The following PCDHGA1 variants were observed in gnomAD, a reference collection of about 807,000 sequenced individuals.
PCDHGA1 encodes the protein protocadherin gamma subfamily A, 1, also known as protocadherin gamma-A1.
PCDHGA1 carries 32 observed loss-of-function variants against 58.0 expected under a neutral mutation model. The ratio of observed to expected loss-of-function variants is 0.55; its 90% CI spans 0.42 to 0.74. The LOEUF (loss-of-function observed/expected upper bound fraction) is 0.74, where lower values mean the gene tolerates loss of function less well. PCDHGA1 is among the 30% of genes least tolerant of loss of function. The pLI, the probability that PCDHGA1 is intolerant of heterozygous loss-of-function variation, is 0.00. For missense variants in PCDHGA1, 1,205 were observed against 1,182.3 expected (o/e 1.02, Z -0.28); for synonymous variants, 498 against 501.1 (o/e 0.99, Z 0.08).
In PCDHGA1 at chr5:141,370,660, G is replaced by A. The variant is rs199537402; in HGVS notation, c.2421+37555G>A. 3.1e-6 allele frequency: 5 copies of A among 1,613,752 alleles called. No individual in the cohort carries two copies. The Admixed American group carries it at 5.0e-5, about 16-fold the overall frequency. ...AATGGGAACTTACTTGTGAGCGACC[G>A]TATAGACCGAGAGGAGATTTGTGGC... On this transcript the variant is annotated intron_variant, in intron 1 of 3. Transcript: ENST00000517417.
chr5:141,357,461 C>T lies in PCDHGA1; in HGVS notation c.2421+24356C>T, dbSNP rs1157643001. The T allele has an allele frequency of 1.9e-6, 3 of 1,614,090 alleles. No homozygotes were observed. In the Admixed American group the frequency reaches 5.0e-5, roughly 27 times the overall value. ...GTTCGGGCTTTCCTGCAGACCTATT[C>T]CCACGAGGTCTCCCTCACCGCGGAC... is the stretch of plus-strand genomic sequence containing the variant. On this transcript the variant is annotated intron_variant, in intron 1 of 3. Coordinates refer to ENST00000517417, the MANE Select transcript of PCDHGA1 (RefSeq NM_018912.3).
chr5:141,361,532 C>T, intron 1 of PCDHGA1: 1 of 1,614,034 alleles, frequency 6.2e-7, no homozygotes, highest in East Asian at 2.2e-5. Flanking sequence ...GAGAACAATC[C>T]TCCTGGCGCC....
intron 1 of PCDHGA1, chr5:141,415,531 C>G (rs777787905): frequency 1.2e-6 from 2 of 1,614,030 alleles, no homozygotes; most frequent in Non-Finnish European, 1.7e-6. Context: ...GCTCATCAGC[C>G]AGGAGAGCTG....
chr5:141,456,576 A>C (rs1383992335), intron 1 of PCDHGA1, among the ~76,000 whole-genome samples: 2 of 152,188 alleles, frequency 1.3e-5, no homozygotes, highest in African/African-American at 4.8e-5. Context: ...ATTTTCCCTG[A>C]GCCTGTCAAT....
Position 141,356,884 on chromosome 5 carries a change from A to C in PCDHGA1, c.2421+23779A>C, listed in dbSNP as rs1760376800. 7 of 1,614,176 alleles carry C rather than the reference A, an allele frequency of 4.3e-6. No homozygotes were observed. The highest frequency in any genetic ancestry group is 5.9e-6 in the Non-Finnish European group (7 of 1,180,026). On this transcript the variant is annotated intron_variant, in intron 1 of 3. Coordinates refer to ENST00000517417, the MANE Select transcript of PCDHGA1 (RefSeq NM_018912.3). ...GGACCAGAACGACAATGTCCCTGAG[A>C]TCCTGTACCCCACCTTCCCTACTGA...
intron 1 of PCDHGA1, chr5:141,351,358 AG>A: frequency 6.2e-7 from 1 of 1,613,168 alleles, no homozygotes; most frequent in Non-Finnish European, 8.5e-7. Context: ...CCCTCATAAA[AG>A]TGCGAGACAA....
At chr5:141,502,862 CTGTCT>C (rs2099816366) in intron 2 of PCDHGA1, among the ~76,000 whole-genome samples, 2 of 68,560 alleles carry the variant, frequency 2.9e-5, no homozygotes, top group Admixed American at 3.3e-4. Flanking sequence ...CCCTGACTCT[CTGTCT>C]TTTTTTTTTT....
In PCDHGA1 at chr5:141,453,631, T is replaced by C. The variant is rs114710858; in HGVS notation, c.2422-41176T>C. On this transcript the variant is annotated intron_variant, in intron 1 of 3. Transcript: ENST00000517417. ...AACGCAAAAACAAAACCTATACATATTTATATTTTCTTATGTCCTCTTCTT... is the reference window on the plus strand; with the variant it reads ...AACGCAAAAACAAAACCTATACATACTTATATTTTCTTATGTCCTCTTCTT... Among the ~76,000 whole-genome samples the C allele has an allele frequency of 8.2e-3, 1,249 of 152,332 alleles. 7 individuals are homozygous for C. Among genetic ancestry groups the C allele is most frequent in the Non-Finnish European group, 0.013 (893 of 68,030 alleles).
chr5:141,362,004 G>C (rs779926353), intron 1 of PCDHGA1: 4 of 1,604,470 alleles, frequency 2.5e-6, no homozygotes, highest in Non-Finnish European at 3.4e-6. Flanking sequence ...GGTTGCGCAC[G>C]GGTGAGGTGC....
chr5:141,365,905 G>C (rs539434078), intron 1 of PCDHGA1: 14 of 1,614,190 alleles, frequency 8.7e-6, no homozygotes, highest in Non-Finnish European at 1.1e-5. Flanking sequence ...ATGAGCAGTT[G>C]AGAGACCTAC....
At chr5:141,388,274 G>A (rs1340999969) in intron 1 of PCDHGA1, 1 of 1,590,544 alleles carries the variant, frequency 6.3e-7, no homozygotes, top group African/African-American at 1.5e-5. Context: ...ATGACCACAC[G>A]CCAAAATTCA....
intron 1 of PCDHGA1, among the ~76,000 whole-genome samples, chr5:141,484,160 T>C (rs1451052819): frequency 2.6e-5 from 4 of 152,210 alleles, no homozygotes; most frequent in African/African-American, 7.2e-5. Flanking sequence ...CACAATGCTG[T>C]TGGTAGCTGA....
intron 1 of PCDHGA1, chr5:141,430,886 T>C: frequency 6.2e-7 from 1 of 1,605,190 alleles, no homozygotes; most frequent in Non-Finnish European, 8.5e-7. Context: ...GGAGAAAGGC[T>C]CTAGGGTGGG....
chr5:141,366,586 CTA>C, intron 1 of PCDHGA1: 1 of 1,614,262 alleles, frequency 6.2e-7, no homozygotes, highest in Non-Finnish European at 8.5e-7. Flanking sequence ...TCCTGCAGAC[CTA>C]TTCCCACGAG....
intron 1 of PCDHGA1, among the ~76,000 whole-genome samples, chr5:141,381,686 AAAC>A (rs1269227136): frequency 2.6e-5 from 4 of 152,308 alleles, no homozygotes; most frequent in Non-Finnish European, 4.4e-5. Context: ...CAGCCAAGAC[AAAC>A]AACGATTTCT....
At position 141,487,128 on chromosome 5, in the gene PCDHGA1, G is replaced by A; in HGVS notation, c.2422-7679G>A. The A allele has an allele frequency of 6.2e-7, 1 of 1,614,086 alleles. No individual in the cohort carries two copies. ...GTCATTGTGGTAAAGGATAGTGGTA[G>A]TCCACCACTCTCTACCTCTGTTACT... is the stretch of plus-strand genomic sequence containing the variant. On this transcript the variant is annotated intron_variant, in intron 1 of 3. Transcript: ENST00000517417. This position sits in a 1 kb window ranked among gnomAD's most constrained non-coding sequence, Gnocchi z 5.0.
intron 1 of PCDHGA1, chr5:141,395,121 T>G (rs773964445): frequency 1.2e-6 from 2 of 1,614,192 alleles, no homozygotes; most frequent in Admixed American, 3.3e-5. Context: ...TCACCTGATC[T>G]TTCCCCAGCC....
At position 141,486,364 on chromosome 5, in the gene PCDHGA1, C is replaced by T; in HGVS notation, c.2422-8443C>T. 1 of 1,614,068 alleles carries T rather than the reference C, an allele frequency of 6.2e-7. No homozygotes were observed. The highest frequency in any genetic ancestry group is 1.1e-5 in the South Asian group (1 of 91,074). On this transcript the variant is annotated intron_variant, in intron 1 of 3. Transcript: ENST00000517417. The surrounding 1 kb of genome is among the most constrained non-coding windows in gnomAD (Gnocchi z 5.0). ...TTCCTGACCACTTGCCATTTGCCCT[C>T]AAGTCTGCCTTCAGGAACCAGTTCT...
intron 1 of PCDHGA1, chr5:141,418,614 G>C: frequency 1.2e-6 from 2 of 1,613,994 alleles, no homozygotes; most frequent in Non-Finnish European, 1.7e-6. Flanking sequence ...GTTAGCCTTC[G>C]GGAAGACGTG....
Sources: gnomAD v4.1 joint callset for allele counts (sites outside exome capture counted in the v4.1 genomes callset) on GRCh38, gnomAD v4.1.1 for gene constraint, Gnocchi (gnomAD v3.1) non-coding constraint, MANE v1.5 for transcripts, NCBI Gene and HGNC (gene_info 2026-07-23, HGNC 2026-07-21) for gene names.